BPTF: variants seen among roughly 807,000 people sequenced by gnomAD.
The protein encoded by BPTF is nucleosome-remodeling factor subunit BPTF.
Under a neutral mutation model 292.5 loss-of-function variants are expected in BPTF, and 18 were observed. That is an observed-to-expected ratio of 0.06 (90% CI 0.04 to 0.09). The LOEUF (loss-of-function observed/expected upper bound fraction) is 0.09. Among genes scored for constraint, BPTF ranks in the 10% least tolerant of loss-of-function variants. The pLI is 1.00. For synonymous variants in BPTF, 1,225 were observed against 1,251.9 expected (o/e 0.98, Z 0.45); for missense variants, 2,726 against 3,498.7 (o/e 0.78, Z 5.57).
At chr17:67,897,179 A>G (rs1598492911) in intron 7 of BPTF, among the ~76,000 whole-genome samples, 3 of 151,384 alleles carry the variant, frequency 2.0e-5, no homozygotes, top group Admixed American at 2.0e-4. Flanking sequence ...AAAAACAAAA[A>G]CAAAAAACGA....
intron 4 of BPTF, chr17:67,875,534 T>G: frequency 2.8e-6 from 4 of 1,449,940 alleles, no homozygotes; most frequent in Non-Finnish European, 3.7e-6. Flanking sequence ...TCTTTGAAGT[T>G]TTGTTGTGCA....
In BPTF at chr17:67,910,885, G is replaced by A. The variant is rs765497108; in HGVS notation, c.3001G>A (p.Glu1001Lys). The A allele has an allele frequency of 5.1e-6, 8 of 1,575,022 alleles. No homozygotes were observed. Among genetic ancestry groups the A allele is most frequent in the Non-Finnish European group, 6.9e-6 (8 of 1,161,822 alleles). ...ITEKKDQDVKELLDSDSDKPC... is the reference protein window; with the variant it reads ...ITEKKDQDVKKLLDSDSDKPC... Reference sequence around the variant, plus strand: ...ATGTCTTTGTTTCACAGATGTGAAGGAGCTCTTAGATTCTGACAGTGATAA... The same window carrying A: ...ATGTCTTTGTTTCACAGATGTGAAGAAGCTCTTAGATTCTGACAGTGATAA... The change falls in exon 11 of 28, where the codon GAG becomes AAG. Residue 1001 changes from glutamate (E) to lysine (K), a missense_variant. Glu to Lys is a moderately conservative substitution (Grantham distance 56). Coordinates refer to ENST00000306378, the MANE Select transcript of BPTF (RefSeq NM_182641.4).
chr17:67,830,744 C>G (rs559117023), intron 1 of BPTF, among the ~76,000 whole-genome samples: 1 of 152,190 alleles, frequency 6.6e-6, no homozygotes, highest in Non-Finnish European at 1.5e-5. Context: ...GGAAATAAAC[C>G]AAAGCTCCTT....
At chr17:67,864,954 GC>G (rs535544823) in intron 2 of BPTF, among the ~76,000 whole-genome samples, 5 of 152,052 alleles carry the variant, frequency 3.3e-5, no homozygotes, top group African/African-American at 4.8e-5. Context: ...ACAGGCGCCT[GC>G]CACCATGCCC....
chr17:67,844,805 A>G (rs1241913533), intron 1 of BPTF, among the ~76,000 whole-genome samples: 1 of 151,712 alleles, frequency 6.6e-6, no homozygotes, highest in Non-Finnish European at 1.5e-5. Context: ...GTGCAATGGC[A>G]TGATCTCGGC....
intron 18 of BPTF, among the ~76,000 whole-genome samples, chr17:67,938,560 G>A (rs2065109050): frequency 6.6e-6 from 1 of 152,186 alleles, no homozygotes; most frequent in Non-Finnish European, 1.5e-5. Flanking sequence ...GTGGGAATTG[G>A]CTGCATGACA....
chr17:67,917,727 G>A (rs2063141733), intron 11 of BPTF, among the ~76,000 whole-genome samples: 2 of 152,090 alleles, frequency 1.3e-5, no homozygotes, highest in East Asian at 1.9e-4. Flanking sequence ...CTGCCTCCTG[G>A]GTTCAATTGA....
intron 2 of BPTF, among the ~76,000 whole-genome samples, chr17:67,859,208 T>C (rs2058923956): frequency 6.6e-6 from 1 of 152,200 alleles, no homozygotes; most frequent in Non-Finnish European, 1.5e-5. Flanking sequence ...TGCAGTGGCA[T>C]GATCATGGCT....
At chr17:67,972,541 G>A (rs1230541774) in intron 26 of BPTF, among the ~76,000 whole-genome samples, 1 of 152,112 alleles carries the variant, frequency 6.6e-6, no homozygotes, top group South Asian at 2.1e-4. Context: ...ACTGCGTCTG[G>A]CTATTTAAGG....
At chr17:67,939,350 G>A (rs1285022365) in intron 18 of BPTF, among the ~76,000 whole-genome samples, 1 of 152,196 alleles carries the variant, frequency 6.6e-6, no homozygotes, top group Non-Finnish European at 1.5e-5. Context: ...AAGGCAGCGA[G>A]TAAATATTAA....
In BPTF at chr17:67,959,624, C is replaced by T. The variant is rs782290858; in HGVS notation, c.8010C>T (p.Cys2670=). ...LAQATAVAAP[C]PPVTPAPPAP... ...AGGCCACAGCAGTAGCTGCACCCTG[C>T]CCCCCAGTGACACCAGCTCCTCCAG... The change falls in exon 24 of 28, where the codon TGC becomes TGT. Residue 2670 remains cysteine, a synonymous_variant. Transcript: ENST00000306378. 1.9e-6 allele frequency: 3 copies of T among 1,582,714 alleles called. No individual in the cohort carries two copies. Among genetic ancestry groups the T allele is most frequent in the South Asian group, 1.2e-5 (1 of 85,964 alleles).
chr17:67,895,909 T>C (rs1335702290), intron 7 of BPTF, among the ~76,000 whole-genome samples: 2 of 151,840 alleles, frequency 1.3e-5, no homozygotes, highest in Admixed American at 6.6e-5. Flanking sequence ...GTGTTCCTTA[T>C]AATATTATTT....
At position 67,874,981 on chromosome 17, in the gene BPTF, A is replaced by C; in HGVS notation, c.1825A>C (p.Lys609Gln). The part of the protein sequence containing the change: ...DQSLEKDSDD[K>Q]TPDDDPEQGK... ...GTCCCTTGAAAAAGACAGTGACGACAAAACACCAGATGATGACCCTGAGCA... is the reference window on the plus strand; with the variant it reads ...GTCCCTTGAAAAAGACAGTGACGACCAAACACCAGATGATGACCCTGAGCA... The change falls in exon 4 of 28, where the codon AAA becomes CAA. Residue 609 changes from lysine to glutamine, a missense_variant. Around this residue, in one of 22 missense-constraint regions of BPTF, gnomAD observed 187 missense variants for 201.5 expected, o/e 0.93. Transcript: ENST00000306378. 1 of 1,613,850 alleles carries C rather than the reference A, an allele frequency of 6.2e-7. No individual in the cohort carries two copies. The highest frequency in any genetic ancestry group is 8.5e-7 in the Non-Finnish European group (1 of 1,179,886).
chr17:67,926,549 C>T (rs374007542), intron 15 of BPTF, among the ~76,000 whole-genome samples: 3 of 151,938 alleles, frequency 2.0e-5, no homozygotes, highest in African/African-American at 4.8e-5. Flanking sequence ...TGGTCTCGAT[C>T]TCCTGACCTC....
At position 67,983,578 on chromosome 17, in the gene BPTF, G is replaced by A. The variant is rs530089001; in HGVS notation, c.*1290G>A. On this transcript the variant is annotated 3_prime_UTR_variant, in exon 28 of 28. Coordinates refer to ENST00000306378, the MANE Select transcript of BPTF (RefSeq NM_182641.4). ...AAGGAAAAGTAGTGTAAACAGTAGCGAGAAAATGGAAACCACAGAGGAAGA... is the reference window on the plus strand; with the variant it reads ...AAGGAAAAGTAGTGTAAACAGTAGCAAGAAAATGGAAACCACAGAGGAAGA... 4 of 152,722 alleles carry A rather than the reference G, an allele frequency of 2.6e-5. No homozygotes were observed. The highest frequency in any genetic ancestry group is 3.9e-4 in the East Asian group (2 of 5,192). 9.5% of individuals were successfully genotyped at this position (152,722 alleles called of 1,614,324 possible).
intron 1 of BPTF, among the ~76,000 whole-genome samples, chr17:67,843,052 T>C (rs1394040942): frequency 1.3e-5 from 2 of 150,940 alleles, no homozygotes; most frequent in African/African-American, 2.4e-5. Context: ...GTTATAACAC[T>C]GGTGAGACTT....
chr17:67,918,927 C>G (rs1214231939), intron 12 of BPTF, 89 bp downstream of exon 12: 23 of 1,383,972 alleles, frequency 1.7e-5, no homozygotes, highest in Middle Eastern at 2.2e-4. Context: ...AATCCCAGCA[C>G]TTTGGGAGGC....
chr17:67,890,925 T>C (rs901510260), intron 4 of BPTF, among the ~76,000 whole-genome samples: 6 of 152,204 alleles, frequency 3.9e-5, no homozygotes, highest in Non-Finnish European at 8.8e-5. Context: ...CTTATTCAAC[T>C]ATCTGGTCAA....
chr17:67,931,260 G>C (rs1471162954), intron 17 of BPTF, among the ~76,000 whole-genome samples: 1 of 152,092 alleles, frequency 6.6e-6, no homozygotes, highest in Non-Finnish European at 1.5e-5. Flanking sequence ...GCGAGATTCT[G>C]TCTCTAAATA....
Sources: allele counts gnomAD v4.1 joint callset (sites outside exome capture counted in the v4.1 genomes callset), GRCh38; gene constraint gnomAD v4.1.1; regional missense constraint gnomAD v4.1.1; transcripts MANE v1.5; gene names NCBI Gene and HGNC (gene_info 2026-07-23, HGNC 2026-07-21).